PSEN1: variants seen among roughly 807,000 people sequenced by gnomAD.
PSEN1 encodes the protein presenilin-1.
In PSEN1, 15 loss-of-function variants were observed where a neutral mutation model predicts 53.5. The ratio of observed to expected loss-of-function variants is 0.28; its 90% CI spans 0.19 to 0.43. The LOEUF is 0.43. PSEN1 is among the 20% of genes least tolerant of loss of function. The pLI, the probability that PSEN1 is intolerant of heterozygous loss-of-function variation, is 1.00. For synonymous variants in PSEN1, 208 were observed against 209.8 expected, an observed-to-expected ratio of 0.99 and a Z score of 0.08; for missense variants, 387 against 571.2, an observed-to-expected ratio of 0.68 and a Z score of 3.29.
chr14:73,215,823 A>T (rs1653928174), intron 10 of PSEN1, among the ~76,000 whole-genome samples: 1 of 152,180 alleles, frequency 6.6e-6, no homozygotes, highest in African/African-American at 2.4e-5. Context: ...ATGTGAAAAA[A>T]CTGGAACTCT....
intron 3 of PSEN1, among the ~76,000 whole-genome samples, chr14:73,160,364 T>G (rs541614893): frequency 6.6e-6 from 1 of 152,368 alleles, no homozygotes; most frequent in African/African-American, 2.4e-5. Context: ...TATGCACATA[T>G]CTGTTTGAGG....
At chr14:73,179,617 C>CA (rs1327790747) in intron 5 of PSEN1, among the ~76,000 whole-genome samples, 3 of 150,866 alleles carry the variant, frequency 2.0e-5, no homozygotes, top group African/African-American at 2.4e-5. Flanking sequence ...ACTCTGTCTC[C>CA]AAAAAAAAGG....
At chr14:73,199,462 G>A (rs1899088755) in intron 8 of PSEN1, among the ~76,000 whole-genome samples, 1 of 152,200 alleles carries the variant, frequency 6.6e-6, no homozygotes, top group Non-Finnish European at 1.5e-5. Flanking sequence ...GTCAGCACAT[G>A]AAATGGCTGC....
rs200954466 is a variant in PSEN1 at position 73,219,434 on chromosome 14, A to C, written c.*145A>C. ...TGCAGCTTCCTTCCAAGTCTTCCTG[A>C]CCACCTTGCACTATTGGACTTTGGA... On this transcript the variant is annotated 3_prime_UTR_variant, in exon 12 of 12. Transcript: ENST00000324501. 3 of 895,218 alleles carry C rather than the reference A, an allele frequency of 3.4e-6. No homozygotes were observed. The highest frequency in any genetic ancestry group is 3.3e-5 in the African/African-American group (2 of 60,902). 55.5% of individuals were successfully genotyped at this position (895,218 alleles called of 1,614,324 possible).
In PSEN1 at chr14:73,198,482, G is replaced by C. The variant is rs1339189543; in HGVS notation, c.868+353G>C. Among the ~76,000 whole-genome samples, 5 of 152,224 alleles carry C rather than the reference G, an allele frequency of 3.3e-5. 1 individual carries two copies. The East Asian group carries it at 7.7e-4, about 23-fold the overall frequency. On this transcript the variant is annotated intron_variant, in intron 8 of 11. Coordinates refer to ENST00000324501, the MANE Select transcript of PSEN1 (RefSeq NM_000021.4). ...CGGTGACCACTGGGGAACTGAGATT[G>C]TTGAGCAGAAGGGTAATGTGAGCAG...
Position 73,168,622 on chromosome 14 carries a change from G to A in PSEN1, c.88-2175G>A, listed in dbSNP as rs181788101. On this transcript the variant is annotated intron_variant, in intron 3 of 11. Coordinates refer to ENST00000324501, the MANE Select transcript of PSEN1 (RefSeq NM_000021.4). ...CGGAGATGGCCTGGCTTCAGGGAAA[G>A]ATCACCTTCTTCCCATACCATCCCT... 10 of 152,432 alleles carry A rather than the reference G, an allele frequency of 6.6e-5. No homozygotes were observed. The East Asian group carries it at 1.2e-3, about 18-fold the overall frequency. 9.4% of individuals were successfully genotyped at this position (152,432 alleles called of 1,614,324 possible).
intron 8 of PSEN1, among the ~76,000 whole-genome samples, chr14:73,202,418 C>CTA (rs1248311168): frequency 0.02 from 532 of 27,084 alleles, 1 homozygote; most frequent in East Asian, 0.022. Context: ...CTATCACATA[C>CTA]TATATATATA....
intron 10 of PSEN1, among the ~76,000 whole-genome samples, chr14:73,213,435 A>C (rs1166653858): frequency 6.6e-6 from 1 of 152,090 alleles, no homozygotes; most frequent in East Asian, 1.9e-4. Flanking sequence ...TGAAACTATC[A>C]AGTATTGCTC....
chr14:73,199,844 C>A (rs1345735461), intron 8 of PSEN1, among the ~76,000 whole-genome samples: 3 of 152,138 alleles, frequency 2.0e-5, no homozygotes, highest in Non-Finnish European at 4.4e-5. Flanking sequence ...CTCCTGGGTT[C>A]AAGCAGTTCT....
intron 9 of PSEN1, among the ~76,000 whole-genome samples, chr14:73,207,136 T>C (rs781136392): frequency 2.0e-5 from 3 of 152,086 alleles, no homozygotes; most frequent in Admixed American, 1.3e-4. Context: ...GGGCAACTTA[T>C]ACCTTACCTC....
At position 73,219,892 on chromosome 14, in the gene PSEN1, C is replaced by CT. The variant is rs1207105405; in HGVS notation, c.*606dup. 6.5e-6 allele frequency: 1 copy of CT among 154,572 alleles called. No individual in the cohort carries two copies. Among genetic ancestry groups the CT allele is most frequent in the African/African-American group, 2.4e-5 (1 of 41,452 alleles). The allele number at this position is 154,572 out of a possible 1,614,324, so 9.6% of individuals were successfully genotyped here. A position where few individuals can be genotyped will look rare whatever the true frequency, so the allele number is the denominator to read the frequency against. ...TTAAATGAGACTTGTTTTCCCCTCT[C>CT]TTTGAGTCAAGTCAAATATGTAGAT... On this transcript the variant is annotated 3_prime_UTR_variant, in exon 12 of 12. Coordinates refer to ENST00000324501, the MANE Select transcript of PSEN1 (RefSeq NM_000021.4).
intron 1 of PSEN1, chr14:73,138,083 A>G (rs1249174880): frequency 6.6e-6 from 1 of 151,166 alleles, no homozygotes; most frequent in Admixed American, 6.6e-5. Flanking sequence ...AAAAAAAAAA[A>G]CCTGTTTTGT....
At position 73,209,023 on chromosome 14, in the gene PSEN1, C is replaced by T. The variant is rs552595280; in HGVS notation, c.955+2551C>T. 2.5e-4 allele frequency: 90 copies of T among 357,110 alleles called. 1 individual carries two copies. The highest frequency in any genetic ancestry group is 1.5e-3 in the South Asian group (71 of 47,380). 22.1% of individuals were successfully genotyped at this position (357,110 alleles called of 1,614,324 possible). ...GCTGGCATGTCAGTGCTGCCCCAAGCGCCCGCACACCCGGCCAGGTCATGA... is the reference window on the plus strand; with the variant it reads ...GCTGGCATGTCAGTGCTGCCCCAAGTGCCCGCACACCCGGCCAGGTCATGA... On this transcript the variant is annotated intron_variant, in intron 9 of 11. Transcript: ENST00000324501.
At chr14:73,188,574 G>C (rs1270420051) in intron 6 of PSEN1, among the ~76,000 whole-genome samples, 1 of 152,102 alleles carries the variant, frequency 6.6e-6, no homozygotes, top group Non-Finnish European at 1.5e-5. Context: ...TTCAGCCCAG[G>C]AATTCAAGGC....
intron 1 of PSEN1, among the ~76,000 whole-genome samples, chr14:73,140,888 C>T (rs980154761): frequency 1.3e-5 from 2 of 152,188 alleles, no homozygotes; most frequent in Non-Finnish European, 2.9e-5. Context: ...AGCATGTATT[C>T]TCACTCAGGG....
At chr14:73,173,788 C>G (rs1897965244) in intron 5 of PSEN1, 81 bp downstream of exon 5, 1 of 1,466,804 alleles carries the variant, frequency 6.8e-7, no homozygotes, top group South Asian at 1.1e-5. Context: ...CTTAACTGAT[C>G]TAGGAAAGAA....
At chr14:73,188,075 C>T (rs1167711636) in intron 6 of PSEN1, among the ~76,000 whole-genome samples, 6 of 151,996 alleles carry the variant, frequency 3.9e-5, no homozygotes, top group African/African-American at 9.7e-5. Flanking sequence ...ACTACAGGTG[C>T]GCACCACCAT....
chr14:73,154,171 A>G, intron 3 of PSEN1, among the ~76,000 whole-genome samples: 1 of 152,254 alleles, frequency 6.6e-6, no homozygotes, highest in Admixed American at 6.5e-5. Context: ...GCAGAATATA[A>G]TATTTGTAAA....
chr14:73,180,079 G>A (rs1040506569), intron 5 of PSEN1, among the ~76,000 whole-genome samples: 1 of 151,980 alleles, frequency 6.6e-6, no homozygotes, highest in East Asian at 1.9e-4. Flanking sequence ...CCGCCTCCTG[G>A]GTTCAAGTGA....
Sources: gnomAD v4.1 joint callset for allele counts (sites outside exome capture counted in the v4.1 genomes callset) on GRCh38, gnomAD v4.1.1 for gene constraint, MANE v1.5 for transcripts, NCBI Gene and HGNC (gene_info 2026-07-23, HGNC 2026-07-21) for gene names.